The following KAZN variants were observed in gnomAD, a reference collection of about 807,000 sequenced individuals.
The protein encoded by KAZN is kazrin, periplakin interacting protein.
KAZN carries 40 observed loss-of-function variants against 87.4 expected under a neutral mutation model. The observed-to-expected ratio is 0.46, with a 90% CI of 0.36 to 0.60. The LOEUF (loss-of-function observed/expected upper bound fraction) is 0.60, where lower values mean the gene tolerates loss of function less well. Among genes scored for constraint, KAZN ranks in the 20% least tolerant of loss-of-function variants. The pLI is 0.00. For synonymous variants in KAZN, 466 were observed against 458.3 expected (o/e 1.02, Z -0.22); for missense variants, 898 against 1,073.9 (o/e 0.84, Z 2.29).
chr1:13,965,419 A>T (rs1012494674), intron 1 of KAZN, among the ~76,000 whole-genome samples: 2 of 150,580 alleles, frequency 1.3e-5, no homozygotes, highest in Non-Finnish European at 3.0e-5. Flanking sequence ...GGTGCTCAGG[A>T]TATGACAGAT....
intron 1 of KAZN, among the ~76,000 whole-genome samples, chr1:14,622,129 G>A (rs1161824057): frequency 1.3e-5 from 2 of 152,152 alleles, no homozygotes; most frequent in Non-Finnish European, 2.9e-5. Context: ...TTTACCTTGT[G>A]AGCTGCTTGA....
chr1:13,955,567 CT>C (rs1641514753), intron 1 of KAZN, among the ~76,000 whole-genome samples: 1 of 151,992 alleles, frequency 6.6e-6, no homozygotes, highest in African/African-American at 2.4e-5. Context: ...GGGGTGGTGT[CT>C]TTTGGGATTA....
intron 2 of KAZN, among the ~76,000 whole-genome samples, chr1:14,228,796 A>AG (rs1229611684): frequency 6.6e-6 from 1 of 152,266 alleles, no homozygotes; most frequent in Non-Finnish European, 1.5e-5. Flanking sequence ...TGTATTAAAA[A>AG]GGACATCAGT....
intron 1 of KAZN, among the ~76,000 whole-genome samples, chr1:14,051,889 CA>C (rs961323207): frequency 6.6e-6 from 1 of 151,870 alleles, no homozygotes; most frequent in African/African-American, 2.4e-5. Flanking sequence ...AACCCAAAAC[CA>C]AAAAAAATGC....
chr1:14,179,447 A>G lies in KAZN; in HGVS notation c.92-988A>G, dbSNP rs111433466. On this transcript the variant is annotated intron_variant, in intron 1 of 16. Coordinates refer to the KAZN transcript ENST00000636203. ...AATAGTTGATTCTAACATAGTGTTC[A>G]GTTTTATAGTTATTTACAGCAAGAG... 7.1e-3 allele frequency among the ~76,000 whole-genome samples: 1,075 copies of G among 152,334 alleles called. 18 individuals are homozygous for G. Among genetic ancestry groups the G allele is most frequent in the African/African-American group, 0.025 (1,020 of 41,572 alleles).
intron 1 of KAZN, among the ~76,000 whole-genome samples, chr1:14,090,291 T>G (rs1643945646): frequency 6.6e-6 from 1 of 152,160 alleles, no homozygotes; most frequent in African/African-American, 2.4e-5. Context: ...TCACTGACAC[T>G]CCATCCATTT....
At chr1:14,419,753 G>A (rs533783901) in intron 2 of KAZN, among the ~76,000 whole-genome samples, 23 of 152,052 alleles carry the variant, frequency 1.5e-4, no homozygotes, top group African/African-American at 4.3e-4. Context: ...CTCTTAAGGC[G>A]GTGCGTCTGG....
At chr1:14,512,681 C>T (rs1251953039) in intron 2 of KAZN, among the ~76,000 whole-genome samples, 1 of 152,226 alleles carries the variant, frequency 6.6e-6, no homozygotes, top group Non-Finnish European at 1.5e-5. Context: ...TAGAACACAG[C>T]CTGCCGGCTG....
At chr1:14,839,309 G>A (rs1249562377) in intron 1 of KAZN, among the ~76,000 whole-genome samples, 1 of 152,092 alleles carries the variant, frequency 6.6e-6, no homozygotes, top group African/African-American at 2.4e-5. Flanking sequence ...ACCTTCCCTG[G>A]CCTCAATTTC....
At chr1:14,683,224 C>T (rs1206920164) in intron 1 of KAZN, among the ~76,000 whole-genome samples, 1 of 152,098 alleles carries the variant, frequency 6.6e-6, no homozygotes, top group Non-Finnish European at 1.5e-5. Flanking sequence ...GAGTTAATTG[C>T]CTGGGTGCTG....
chr1:14,449,430 G>A (rs902312816), intron 2 of KAZN, among the ~76,000 whole-genome samples: 47 of 152,174 alleles, frequency 3.1e-4, no homozygotes, highest in African/African-American at 1.1e-3. Flanking sequence ...TCAGAAACCT[G>A]GATGATGCTC....
At chr1:14,727,027 A>G (rs1187705592) in intron 1 of KAZN, among the ~76,000 whole-genome samples, 1 of 152,178 alleles carries the variant, frequency 6.6e-6, no homozygotes, top group African/African-American at 2.4e-5. Context: ...TTGCACTTTG[A>G]CAAGTGCTCA....
In KAZN at chr1:14,647,387, A is replaced by G. The variant is rs138442000; in HGVS notation, c.226+48164A>G. 4.7e-3 allele frequency among the ~76,000 whole-genome samples: 722 copies of G among 152,290 alleles called. 6 individuals carry two copies. The highest frequency in any genetic ancestry group is 0.016 in the African/African-American group (670 of 41,554). Reference sequence around the variant, plus strand: ...GGATAAAGATTGTGGAGTAGTTCATATCTTTATTTCTAAAGAGCTTTGCCT... The same window carrying G: ...GGATAAAGATTGTGGAGTAGTTCATGTCTTTATTTCTAAAGAGCTTTGCCT... On this transcript the variant is annotated intron_variant, in intron 1 of 14. Transcript: ENST00000376030.
At chr1:14,157,263 T>C (rs1645615132) in intron 1 of KAZN, among the ~76,000 whole-genome samples, 1 of 152,218 alleles carries the variant, frequency 6.6e-6, no homozygotes, top group South Asian at 2.1e-4. Context: ...CTAATTAAGG[T>C]AACAGTAATT....
chr1:14,707,588 G>A (rs530127253), intron 1 of KAZN, among the ~76,000 whole-genome samples: 2 of 152,220 alleles, frequency 1.3e-5, no homozygotes, highest in Admixed American at 6.5e-5. Flanking sequence ...AGCTCACCCT[G>A]TAATGCTACA....
intron 2 of KAZN, among the ~76,000 whole-genome samples, chr1:14,400,615 G>A (rs566086551): frequency 1.8e-4 from 28 of 152,334 alleles, no homozygotes; most frequent in African/African-American, 6.7e-4. Flanking sequence ...TGCAACAGGT[G>A]CTGTAATTAC....
intron 1 of KAZN, among the ~76,000 whole-genome samples, chr1:13,966,077 C>A (rs546237725): frequency 6.6e-6 from 1 of 152,142 alleles, no homozygotes; most frequent in African/African-American, 2.4e-5. Context: ...CCCGTAACAC[C>A]GAGGTGGGCC....
chr1:14,645,374 C>G (rs1167968411), intron 1 of KAZN, among the ~76,000 whole-genome samples: 1 of 152,182 alleles, frequency 6.6e-6, no homozygotes, highest in Admixed American at 6.5e-5. Context: ...AGCATTGAAT[C>G]TGTAAATTGC....
rs1413313022 is a variant in KAZN, at chr1:14,270,556, TAGTC to T, written c.249+89967_249+89970del. On this transcript the variant is annotated intron_variant, in intron 2 of 16. Coordinates refer to the KAZN transcript ENST00000636203. ...ATAATGAAGGTGGCATCCTGGCACATAGTCAGGACTCAGTAAAGTTGGCTCCTCT... is the reference window on the plus strand; with the variant it reads ...ATAATGAAGGTGGCATCCTGGCACATAGGACTCAGTAAAGTTGGCTCCTCT... Among the ~76,000 whole-genome samples, 7 of 152,186 alleles carry T rather than the reference TAGTC, an allele frequency of 4.6e-5. No homozygotes were observed. The East Asian group carries it at 1.4e-3, about 29-fold the overall frequency.
Sources: gnomAD v4.1 joint callset for allele counts (sites outside exome capture counted in the v4.1 genomes callset) on GRCh38, gnomAD v4.1.1 for gene constraint, MANE v1.5 for transcripts, NCBI Gene and HGNC (gene_info 2026-07-23, HGNC 2026-07-21) for gene names.